Variants in TERT observed in about 807,000 individuals in gnomAD.
TERT encodes telomerase reverse transcriptase.
A neutral mutation model predicts 104.0 loss-of-function variants in TERT; 42 were observed. That is an observed-to-expected ratio of 0.40 (90% CI 0.32 to 0.52). The LOEUF (loss-of-function observed/expected upper bound fraction) is 0.52, where lower values mean the gene tolerates loss of function less well. Ranked by LOEUF, TERT falls within the 20% of genes least tolerant of loss-of-function variation. The pLI, the probability that TERT is intolerant of heterozygous loss-of-function variation, is 0.43. For synonymous variants in TERT, 781 were observed against 725.6 expected (o/e 1.08, Z -1.23); for missense variants, 1,101 against 1,610.3 (o/e 0.68, Z 5.41).
In TERT at chr5:1,259,849, G is replaced by T. The variant is rs558729821; in HGVS notation, c.2970+625C>A. Reference sequence around the variant, plus strand: ...GAGTGGACGCGGACGCCCACAGGAGGGGGGAGTGGACACGGACAACCACAG... The same window carrying T: ...GAGTGGACGCGGACGCCCACAGGAGTGGGGAGTGGACACGGACAACCACAG... On this transcript the variant is annotated intron_variant, in intron 12 of 15. Transcript: ENST00000310581. Among the ~76,000 whole-genome samples the T allele has an allele frequency of 1.0e-4, 14 of 138,528 alleles. 1 individual carries two copies. In the South Asian group the frequency reaches 3.3e-3, roughly 32 times the overall value. 90.9% of individuals were successfully genotyped at this position (138,528 alleles called of 152,430 possible). A position where few individuals can be genotyped will look rare whatever the true frequency, so the allele number is the denominator to read the frequency against.
rs1748225073 is a variant in TERT at position 1,261,506 on chromosome 5, T to G, written c.2844-906A>C. ...TGTGAGGACTTCCATGCAAACAAGC[T>G]GCTTTCCAGAAAAGTCTTTCCAGCT... is the stretch of plus-strand genomic sequence containing the variant. On this transcript the variant is annotated intron_variant, in intron 11 of 15. Coordinates refer to ENST00000310581, the MANE Select transcript of TERT (RefSeq NM_198253.3). The surrounding 1 kb of genome is among the most constrained non-coding windows in gnomAD (Gnocchi z 7.4). Among the ~76,000 whole-genome samples the G allele has an allele frequency of 6.6e-6, 1 of 152,226 alleles. No individual in the cohort carries two copies. Among genetic ancestry groups the G allele is most frequent in the African/African-American group, 2.4e-5 (1 of 41,470 alleles).
At position 1,260,508 on chromosome 5, in the gene TERT, C is replaced by T. The variant is rs765566930; in HGVS notation, c.2936G>A (p.Arg979Gln). 6.8e-6 allele frequency: 11 copies of T among 1,614,154 alleles called. No individual in the cohort carries two copies. The highest frequency in any genetic ancestry group is 9.3e-6 in the Non-Finnish European group (11 of 1,180,012). The change falls in exon 12 of 16, where the codon CGG (arginine) becomes CAG (glutamine). Residue 979 changes from arginine to glutamine, a missense_variant. Coordinates refer to ENST00000310581, the MANE Select transcript of TERT (RefSeq NM_198253.3). ...CAGAAACAGGCTGTGACACTTCAGC[C>T]GCAAGACCCCAAAGAGTTTGCGACG... ...NMRRKLFGVL[R>Q]LKCHSLFLDL... is the part of the protein sequence containing the mutation.
chr5:1,287,272 G>C lies in TERT; in HGVS notation c.1574-4648C>G, dbSNP rs1276829118. Among the ~76,000 whole-genome samples, 1 of 152,088 alleles carries C rather than the reference G, an allele frequency of 6.6e-6. No homozygotes were observed. The highest frequency in any genetic ancestry group is 1.5e-5 in the Non-Finnish European group (1 of 68,018). On this transcript the variant is annotated intron_variant, in intron 2 of 15. Coordinates refer to ENST00000310581, the MANE Select transcript of TERT (RefSeq NM_198253.3). This position sits in a 1 kb window ranked among gnomAD's most constrained non-coding sequence, Gnocchi z 4.3. Reference sequence around the variant, plus strand: ...TTCAGCACTTTGGGAAGCCGAGGTAGATGGATCCCTTGAGTCCAAGAGTTT... The same window carrying C: ...TTCAGCACTTTGGGAAGCCGAGGTACATGGATCCCTTGAGTCCAAGAGTTT...
Position 1,262,272 on chromosome 5 carries a change from ACT to A in TERT, c.2844-1674_2844-1673del, listed in dbSNP as rs1486800350. ...TCTCAGAAAAAAAAATTACACACAC[ACT>A]CTCTTTTCCATCAGCTGTGCCACAT... On this transcript the variant is annotated intron_variant, in intron 11 of 15. Transcript: ENST00000310581. The surrounding 1 kb of genome is among the most constrained non-coding windows in gnomAD (Gnocchi z 5.6). 1.3e-5 allele frequency among the ~76,000 whole-genome samples: 2 copies of A among 151,702 alleles called. No homozygotes were observed. The highest frequency in any genetic ancestry group is 1.3e-4 in the Admixed American group (2 of 15,220).
rs766782702 is a variant in TERT at position 1,270,799 on chromosome 5, AG to A, written c.2468+319del. 1.8e-4 allele frequency among the ~76,000 whole-genome samples: 27 copies of A among 152,248 alleles called. No individual in the cohort carries two copies. The highest frequency in any genetic ancestry group is 3.5e-4 in the Non-Finnish European group (24 of 68,050). On this transcript the variant is annotated intron_variant, in intron 8 of 15. Coordinates refer to ENST00000310581, the MANE Select transcript of TERT (RefSeq NM_198253.3). The surrounding 1 kb of genome is among the most constrained non-coding windows in gnomAD (Gnocchi z 8.3). ...TAGTAACTTGGAGCTGACAAGCTGC[AG>A]GCTCAAACGCTCGGCGCACACCTGA...
chr5:1,268,683 T>G lies in TERT; in HGVS notation c.2469-50A>C, dbSNP rs1483772161. On this transcript the variant is annotated intron_variant, in intron 8 of 15. Coordinates refer to ENST00000310581, the MANE Select transcript of TERT (RefSeq NM_198253.3). This position sits in a 1 kb window ranked among gnomAD's most constrained non-coding sequence, Gnocchi z 5.5. ...AGACGGGCAGGGCATGTGCTGGACA[T>G]GCGTACACTCAAACCGAGCCACACA... The G allele has an allele frequency of 3.7e-6, 5 of 1,335,052 alleles. No homozygotes were observed. Among genetic ancestry groups the G allele is most frequent in the South Asian group, 2.4e-5 (2 of 84,812 alleles). The allele number at this position is 1,335,052 out of a possible 1,614,324, so 82.7% of individuals were successfully genotyped here.
rs1305477194 is a variant in TERT, at chr5:1,261,732, C to T, written c.2844-1132G>A. On this transcript the variant is annotated intron_variant, in intron 11 of 15. Coordinates refer to ENST00000310581, the MANE Select transcript of TERT (RefSeq NM_198253.3). This position sits in a 1 kb window ranked among gnomAD's most constrained non-coding sequence, Gnocchi z 7.4. ...TCCATTTCTTCTTTCACAGCCATCC[C>T]CAACACGACCTTGGGCTCCGGCTCA... Among the ~76,000 whole-genome samples the T allele has an allele frequency of 6.6e-6, 1 of 152,186 alleles. No individual in the cohort carries two copies. The highest frequency in any genetic ancestry group is 6.5e-5 in the Admixed American group (1 of 15,284).
rs2126689432 is a variant in TERT, at chr5:1,294,354, G to C, written c.532C>G (p.Leu178Val). ...GGCCGGGCCTGAGTGGCAGCGCCGA[G>C]CTGGTACAGCGGCGGCCCGCACACC... ...YQVCGPPLYQ[L>V]GAATQARPPP... The change falls in exon 2 of 16, where the codon CTC becomes GTC. Residue 178 changes from leucine (L) to valine (V), a missense_variant. Leu to Val is a conservative substitution (Grantham distance 32). Transcript: ENST00000310581. 5 of 1,577,478 alleles carry C rather than the reference G, an allele frequency of 3.2e-6. No homozygotes were observed. Among genetic ancestry groups the C allele is most frequent in the Non-Finnish European group, 4.3e-6 (5 of 1,169,354 alleles).
At chr5:1,266,383 G>A in intron 10 of TERT, 81 bp downstream of exon 10, 2 of 1,235,590 alleles carry the variant, frequency 1.6e-6, no homozygotes, top group Non-Finnish European at 2.3e-6. Context: ...ACGCTGCGGT[G>A]CCAGGGGCAG....
rs369281603 is a variant in TERT at position 1,254,220 on chromosome 5, T to C, written c.3295+148A>G. 4,220 of 1,050,154 alleles carry C rather than the reference T, an allele frequency of 4.0e-3. 16 individuals carry two copies. Among genetic ancestry groups the C allele is most frequent in the Non-Finnish European group, 4.8e-3 (3,382 of 702,744 alleles). The allele number at this position is 1,050,154 out of a possible 1,614,324, so 65.1% of individuals were successfully genotyped here. On this transcript the variant is annotated intron_variant, in intron 15 of 15. Coordinates refer to ENST00000310581, the MANE Select transcript of TERT (RefSeq NM_198253.3). Reference sequence around the variant, plus strand: ...CTGGGGACACCAGCGTTTAATCACATAGGGCTGCCAGCGTGGCTCCAGGCC... The same window carrying C: ...CTGGGGACACCAGCGTTTAATCACACAGGGCTGCCAGCGTGGCTCCAGGCC...
In TERT at chr5:1,280,221, C is replaced by A. The variant is rs764318596; in HGVS notation, c.1887G>T (p.Gly629=). ...SRLRFIPKPD[G]LRPIVNMDYV... is the part of the protein sequence containing the mutation. ...AGTCCATGTTCACAATCGGCCGCAGCCCGTCAGGCTTGGGGATGAAGCGGA... is the reference window on the plus strand; with the variant it reads ...AGTCCATGTTCACAATCGGCCGCAGACCGTCAGGCTTGGGGATGAAGCGGA... Residue 629 remains glycine, a synonymous_variant, in exon 4 of 16, where the codon GGG becomes GGT. Transcript: ENST00000310581. 1 of 1,613,882 alleles carries A rather than the reference C, an allele frequency of 6.2e-7. No homozygotes were observed. The highest frequency in any genetic ancestry group is 2.2e-5 in the East Asian group (1 of 44,898).
rs768173024 is a variant in TERT at position 1,274,298 on chromosome 5, G to A, written c.2287-2018C>T. On this transcript the variant is annotated intron_variant, in intron 6 of 15. Coordinates refer to ENST00000310581, the MANE Select transcript of TERT (RefSeq NM_198253.3). This position sits in a 1 kb window ranked among gnomAD's most constrained non-coding sequence, Gnocchi z 5.3. ...TTCCCAACCCAGGAGCAGGCAACACGCCCACAAATAGCCCATGGGTCTGAG... is the reference window on the plus strand; with the variant it reads ...TTCCCAACCCAGGAGCAGGCAACACACCCACAAATAGCCCATGGGTCTGAG... 5.3e-5 allele frequency among the ~76,000 whole-genome samples: 8 copies of A among 152,180 alleles called. No homozygotes were observed. The highest frequency in any genetic ancestry group is 1.9e-4 in the East Asian group (1 of 5,186).
rs958833263 is a variant in TERT, at chr5:1,257,433, C to A, written c.3032+1165G>T. On this transcript the variant is annotated intron_variant, in intron 13 of 15. Coordinates refer to ENST00000310581, the MANE Select transcript of TERT (RefSeq NM_198253.3). The surrounding 1 kb of genome is among the most constrained non-coding windows in gnomAD (Gnocchi z 5.6). Reference sequence around the variant, plus strand: ...TCCTCAGTGGCACCTGTATCCAGCACACCCCAAGGGTTTCCGGAAAGGAGT... The same window carrying A: ...TCCTCAGTGGCACCTGTATCCAGCAAACCCCAAGGGTTTCCGGAAAGGAGT... Among the ~76,000 whole-genome samples, 3 of 152,278 alleles carry A rather than the reference C, an allele frequency of 2.0e-5. No homozygotes were observed. The highest frequency in any genetic ancestry group is 4.4e-5 in the Non-Finnish European group (3 of 67,998).
intron 9 of TERT, among the ~76,000 whole-genome samples, chr5:1,266,754 A>G (rs1020931367): frequency 1.3e-5 from 2 of 152,218 alleles, no homozygotes; most frequent in Admixed American, 1.3e-4. Flanking sequence ...AGTGTTTACC[A>G]TCAGCTTGTG....
At chr5:1,273,055 CCTGTGACCGATCA>C (rs1749217692) in intron 6 of TERT, among the ~76,000 whole-genome samples, 1 of 107,814 alleles carries the variant, frequency 9.3e-6, no homozygotes, top group Admixed American at 9.4e-5. Context: ...ACATCAGACC[CCTGTGACCGATCA>C]CCATCCACAG....
At chr5:1,278,151 G>A (rs959573394) in intron 6 of TERT, among the ~76,000 whole-genome samples, 2 of 152,194 alleles carry the variant, frequency 1.3e-5, no homozygotes, top group Middle Eastern at 3.2e-3. Context: ...CCAGCCCTGT[G>A]ACAGGACAGG....
At chr5:1,264,258 G>C (rs1012310039) in intron 11 of TERT, 146 bp downstream of exon 11, 20 of 806,144 alleles carry the variant, frequency 2.5e-5, no homozygotes, top group Non-Finnish European at 4.1e-5. Flanking sequence ...CTCAGCCCCA[G>C]ATGGGACGAG....
chr5:1,277,527 C>T (rs1239377109), intron 6 of TERT, among the ~76,000 whole-genome samples: 2 of 147,416 alleles, frequency 1.4e-5, no homozygotes, highest in South Asian at 2.2e-4. Flanking sequence ...ACATGGAGAC[C>T]GGGAGAGGGA....
At chr5:1,290,986 A>G (rs1750881560) in intron 2 of TERT, among the ~76,000 whole-genome samples, 1 of 140,590 alleles carries the variant, frequency 7.1e-6, no homozygotes, top group African/African-American at 2.8e-5. Context: ...CGCCTCACTC[A>G]CCCTGCACGG....
Sources: allele counts gnomAD v4.1 joint callset (sites outside exome capture counted in the v4.1 genomes callset), GRCh38; gene constraint gnomAD v4.1.1; non-coding constraint Gnocchi (gnomAD v3.1); transcripts MANE v1.5; gene names NCBI Gene and HGNC (gene_info 2026-07-23, HGNC 2026-07-21).